The following ZBTB20 variants were observed in gnomAD, a reference collection of about 807,000 sequenced individuals.
ZBTB20 encodes the protein zinc finger and BTB domain containing 20.
In ZBTB20, 9 loss-of-function variants were observed where a neutral mutation model predicts 56.9. That is an observed-to-expected ratio of 0.16 (90% CI 0.10 to 0.28). The LOEUF is 0.28. Among genes scored for constraint, ZBTB20 ranks in the 10% least tolerant of loss-of-function variants. The pLI is 1.00. For missense variants in ZBTB20, 655 were observed against 1,003.0 expected (o/e 0.65, Z 4.69); for synonymous variants, 417 against 420.7 (o/e 0.99, Z 0.11).
At chr3:114,936,145 T>C (rs1015022404) in intron 3 of ZBTB20, among the ~76,000 whole-genome samples, 1 of 151,680 alleles carries the variant, frequency 6.6e-6, no homozygotes, top group East Asian at 1.9e-4. Flanking sequence ...ATGGAGGAAA[T>C]ACAGAAGAAA....
At chr3:115,066,536 G>T (rs1478484912) in intron 2 of ZBTB20, among the ~76,000 whole-genome samples, 1 of 152,092 alleles carries the variant, frequency 6.6e-6, no homozygotes, top group Non-Finnish European at 1.5e-5. Context: ...ACAGACTCTG[G>T]TCTGCTTTCT....
chr3:115,117,355 T>C (rs899846691), intron 1 of ZBTB20, among the ~76,000 whole-genome samples: 9 of 152,174 alleles, frequency 5.9e-5, no homozygotes, highest in Non-Finnish European at 1.2e-4. Flanking sequence ...ATCTTTTTCC[T>C]TAACACTTCT....
chr3:115,062,159 C>T (rs2082034001), intron 2 of ZBTB20, among the ~76,000 whole-genome samples: 1 of 152,138 alleles, frequency 6.6e-6, no homozygotes, highest in African/African-American at 2.4e-5. Flanking sequence ...CCCTTCACTG[C>T]CTGGAGAACG....
chr3:114,777,241 G>A (rs1191115387), intron 5 of ZBTB20, among the ~76,000 whole-genome samples: 1 of 152,152 alleles, frequency 6.6e-6, no homozygotes, highest in East Asian at 1.9e-4. Context: ...TAACTTGGCT[G>A]GGCATGGTGG....
chr3:114,381,660 T>C (rs530738528), intron 8 of ZBTB20, among the ~76,000 whole-genome samples: 47 of 152,378 alleles, frequency 3.1e-4, no homozygotes, highest in South Asian at 2.1e-3. Context: ...TCTGTGAGCA[T>C]GGTAATGTAC....
chr3:114,744,238 A>T (rs1441201205), intron 5 of ZBTB20, among the ~76,000 whole-genome samples: 1 of 152,190 alleles, frequency 6.6e-6, no homozygotes, highest in Admixed American at 6.5e-5. Context: ...TTCCACAGTG[A>T]GAAGAAAGTG....
At chr3:114,369,094 C>T (rs988186825) in intron 10 of ZBTB20, among the ~76,000 whole-genome samples, 3 of 152,070 alleles carry the variant, frequency 2.0e-5, no homozygotes, top group East Asian at 1.9e-4. Flanking sequence ...GTCTCCTTTA[C>T]ATCTAAATAC....
intron 6 of ZBTB20, among the ~76,000 whole-genome samples, chr3:114,539,841 C>T (rs2048907386): frequency 6.6e-6 from 1 of 151,848 alleles, no homozygotes. Context: ...CACATTTTTG[C>T]CAAGTCTCTC....
intron 4 of ZBTB20, among the ~76,000 whole-genome samples, chr3:114,868,268 A>G (rs1289390036): frequency 6.6e-6 from 1 of 152,216 alleles, no homozygotes; most frequent in Non-Finnish European, 1.5e-5. Flanking sequence ...ACTTCTCAGC[A>G]TCAGAGCACT....
intron 6 of ZBTB20, among the ~76,000 whole-genome samples, chr3:114,621,326 G>T (rs1252278296): frequency 1.3e-5 from 2 of 152,102 alleles, no homozygotes; most frequent in African/African-American, 4.8e-5. Context: ...TTCATTTATG[G>T]TCATTATGAC....
chr3:114,434,558 T>G (rs73241534), intron 7 of ZBTB20, among the ~76,000 whole-genome samples: 33,565 of 145,278 alleles, frequency 0.23, 4,383 homozygotes, highest in Admixed American at 0.32. Context: ...GTGTGTGTGT[T>G]TGTGTGTGTG....
chr3:114,647,083 C>T (rs1481793403), intron 6 of ZBTB20, among the ~76,000 whole-genome samples: 2 of 151,940 alleles, frequency 1.3e-5, no homozygotes, highest in Non-Finnish European at 2.9e-5. Flanking sequence ...CTCAGCCTCC[C>T]GAGTAGCTGG....
intron 2 of ZBTB20, among the ~76,000 whole-genome samples, chr3:115,011,257 A>G (rs937757662): frequency 1.3e-5 from 2 of 151,926 alleles, no homozygotes; most frequent in Non-Finnish European, 2.9e-5. Context: ...AATAACAGAG[A>G]ACTTCCCAAC....
chr3:114,326,850 G>T lies in ZBTB20; in HGVS notation c.*12155C>A, dbSNP rs562889089. 1 of 152,240 alleles carries T rather than the reference G, an allele frequency of 6.6e-6. No homozygotes were observed. The highest frequency in any genetic ancestry group is 2.1e-4 in the South Asian group (1 of 4,816). 9.4% of individuals were successfully genotyped at this position (152,240 alleles called of 1,614,324 possible). On this transcript the variant is annotated 3_prime_UTR_variant, in exon 12 of 12. Transcript: ENST00000675478. ...TCCAGTGCAGAAAATAAACTTGTTT[G>T]CTACCAGCCTCAATCTCAGAACATT...
At chr3:114,822,795 T>C (rs1365521673) in intron 4 of ZBTB20, among the ~76,000 whole-genome samples, 1 of 152,088 alleles carries the variant, frequency 6.6e-6, no homozygotes, top group East Asian at 1.9e-4. Flanking sequence ...GACTAGAATT[T>C]AATTGAAAAG....
intron 6 of ZBTB20, among the ~76,000 whole-genome samples, chr3:114,546,955 GC>G (rs1364335176): frequency 2.0e-5 from 3 of 152,184 alleles, no homozygotes; most frequent in African/African-American, 4.8e-5. Context: ...GAACTGGAAA[GC>G]CCACCAACTT....
chr3:115,145,614 A>T (rs757468160), intron 1 of ZBTB20, among the ~76,000 whole-genome samples: 28 of 152,176 alleles, frequency 1.8e-4, no homozygotes, highest in Non-Finnish European at 3.7e-4. Flanking sequence ...CACACCCAAA[A>T]TATTTTTGAT....
intron 5 of ZBTB20, among the ~76,000 whole-genome samples, chr3:114,795,467 GAA>G (rs992168062): frequency 6.6e-6 from 1 of 152,062 alleles, no homozygotes; most frequent in African/African-American, 2.4e-5. Context: ...TTTGAATACA[GAA>G]AGTCTGATTC....
At chr3:114,884,223 C>T (rs1174554020) in intron 4 of ZBTB20, among the ~76,000 whole-genome samples, 1 of 152,066 alleles carries the variant, frequency 6.6e-6, no homozygotes, top group Non-Finnish European at 1.5e-5. Flanking sequence ...CCGCGCCCGG[C>T]CGGTGTGTTC....
Sources: gnomAD v4.1 joint callset for allele counts (sites outside exome capture counted in the v4.1 genomes callset) on GRCh38, gnomAD v4.1.1 for gene constraint, MANE v1.5 for transcripts, NCBI Gene and HGNC (gene_info 2026-07-23, HGNC 2026-07-21) for gene names.